The following ETFA variants were observed in gnomAD, a reference collection of about 807,000 sequenced individuals.
The protein encoded by ETFA is electron transfer flavoprotein subunit alpha, mitochondrial.
Under a neutral mutation model 46.2 loss-of-function variants are expected in ETFA, and 22 were observed. That is an observed-to-expected ratio of 0.48 (90% CI 0.34 to 0.68). The LOEUF (loss-of-function observed/expected upper bound fraction) is 0.68, where lower values mean the gene tolerates loss of function less well. Among genes scored for constraint, ETFA ranks in the 30% least tolerant of loss-of-function variants. ETFA has a pLI of 0.01. For synonymous variants in ETFA, 131 were observed against 139.9 expected (o/e 0.94, Z 0.45); for missense variants, 345 against 401.1 (o/e 0.86, Z 1.19).
At chr15:76,229,693 C>A (rs1260225215) in intron 10 of ETFA, among the ~76,000 whole-genome samples, 2 of 152,188 alleles carry the variant, frequency 1.3e-5, no homozygotes, top group African/African-American at 4.8e-5. Context: ...AACCTACCAT[C>A]CAACTGTAAA....
intron 9 of ETFA, among the ~76,000 whole-genome samples, chr15:76,241,885 G>A (rs1258978431): frequency 1.5e-5 from 2 of 136,090 alleles, no homozygotes; most frequent in East Asian, 4.3e-4. Flanking sequence ...TCGCCAGGCT[G>A]GAGTGCAATG....
intron 1 of ETFA, among the ~76,000 whole-genome samples, chr15:76,300,561 C>T (rs1465252766): frequency 1.3e-5 from 2 of 152,208 alleles, no homozygotes; most frequent in Non-Finnish European, 2.9e-5. Context: ...CAGAGTCTCC[C>T]AACCCAGCTT....
At chr15:76,282,193 C>T (rs1025804849) in intron 8 of ETFA, among the ~76,000 whole-genome samples, 1 of 152,130 alleles carries the variant, frequency 6.6e-6, no homozygotes, top group African/African-American at 2.4e-5. Context: ...TATGAGCCAC[C>T]ACGCCTGCCA....
chr15:76,305,714 C>G (rs1265947579), intron 1 of ETFA, among the ~76,000 whole-genome samples: 2 of 152,176 alleles, frequency 1.3e-5, no homozygotes, highest in Non-Finnish European at 2.9e-5. Flanking sequence ...ACTCTTATTA[C>G]CTCACCTTCC....
At chr15:76,248,232 C>T (rs368226443) in intron 9 of ETFA, among the ~76,000 whole-genome samples, 2 of 152,064 alleles carry the variant, frequency 1.3e-5, no homozygotes, top group Admixed American at 6.6e-5. Flanking sequence ...CAGAAATAGA[C>T]CCCTGCATAC....
In ETFA at chr15:76,294,499, A is replaced by G. The variant is rs530172085; in HGVS notation, c.186+1092T>C. On this transcript the variant is annotated intron_variant, in intron 2 of 11. Coordinates refer to ENST00000557943, the MANE Select transcript of ETFA (RefSeq NM_000126.4). ...AATTTCATGTAAAAAATTAGACAGA[A>G]GCAACACCAGCAGTATGAACCTCCA... Among the ~76,000 whole-genome samples the G allele has an allele frequency of 2.6e-5, 4 of 152,300 alleles. No individual in the cohort carries two copies. In the South Asian group the frequency reaches 8.3e-4, roughly 32 times the overall value.
chr15:76,231,401 GAAATA>G lies in ETFA; in HGVS notation c.817-8_817-4del, dbSNP rs769564675. The G allele has an allele frequency of 6.3e-6, 10 of 1,579,466 alleles. No homozygotes were observed. On this transcript the variant is annotated splice_region_variant and splice_polypyrimidine_tract_variant and intron_variant, in intron 9 of 11. Coordinates refer to ENST00000557943, the MANE Select transcript of ETFA (RefSeq NM_000126.4). ...ATTCCAACAGCAATATAAAGTTCCT[GAAATA>G]AAAGAGGTCACATTATTAATATGTA...
chr15:76,288,411 T>C (rs1018078254), intron 4 of ETFA, among the ~76,000 whole-genome samples: 1 of 151,998 alleles, frequency 6.6e-6, no homozygotes, highest in Non-Finnish European at 1.5e-5. Flanking sequence ...AAATTGATAT[T>C]GTATAAAAAA....
intron 9 of ETFA, among the ~76,000 whole-genome samples, chr15:76,258,276 G>C (rs1192040273): frequency 6.6e-6 from 1 of 152,070 alleles, no homozygotes; most frequent in Non-Finnish European, 1.5e-5. Flanking sequence ...CTCGCTCTTG[G>C]GCAAGCCTCA....
intron 10 of ETFA, among the ~76,000 whole-genome samples, chr15:76,227,255 G>A (rs1461565831): frequency 6.6e-6 from 1 of 151,752 alleles, no homozygotes; most frequent in African/African-American, 2.4e-5. Flanking sequence ...AAAAGCTTAT[G>A]CCTGTAATCC....
At chr15:76,303,778 T>C (rs1322797377) in intron 1 of ETFA, among the ~76,000 whole-genome samples, 1 of 152,210 alleles carries the variant, frequency 6.6e-6, no homozygotes, top group African/African-American at 2.4e-5. Flanking sequence ...ATGGCTATTA[T>C]TTAAAACTCA....
intron 10 of ETFA, chr15:76,230,888 T>TAAAAAA: frequency 5.8e-6 from 1 of 171,216 alleles, no homozygotes; most frequent in Non-Finnish European, 1.3e-5. Context: ...TTGTGAGGGT[T>TAAAAAA]ACAGGACCAA....
intron 1 of ETFA, among the ~76,000 whole-genome samples, chr15:76,302,222 A>G (rs1033091417): frequency 3.9e-5 from 6 of 152,220 alleles, no homozygotes; most frequent in Admixed American, 3.9e-4. Flanking sequence ...GGTCCACACA[A>G]AAACCAGACG....
At chr15:76,288,664 A>ATAG (rs2039724330) in intron 4 of ETFA, among the ~76,000 whole-genome samples, 2 of 151,358 alleles carry the variant, frequency 1.3e-5, no homozygotes, top group South Asian at 4.2e-4. Flanking sequence ...GTGAGCTGAG[A>ATAG]TAGTACCACC....
At chr15:76,294,156 C>T (rs1490214411) in intron 2 of ETFA, among the ~76,000 whole-genome samples, 1 of 152,116 alleles carries the variant, frequency 6.6e-6, no homozygotes. Flanking sequence ...GTACAGAAGA[C>T]GATTTCTATT....
At chr15:76,233,324 G>GTTT (rs2039088878) in intron 9 of ETFA, among the ~76,000 whole-genome samples, 1 of 91,802 alleles carries the variant, frequency 1.1e-5, no homozygotes, top group Admixed American at 1.3e-4. Context: ...AATTCAATAG[G>GTTT]CTTTTTTTTT....
rs549440032 is a variant in ETFA, at chr15:76,257,403, AG to A, written c.816+17008del. On this transcript the variant is annotated intron_variant, in intron 9 of 11. Transcript: ENST00000557943. ...AAAAGAAGACATTTATGCAGCCAAAAGACACATGAAAAAATGCTCATCATCA... is the reference window on the plus strand; with the variant it reads ...AAAAGAAGACATTTATGCAGCCAAAAACACATGAAAAAATGCTCATCATCA... Among the ~76,000 whole-genome samples, 49 of 152,356 alleles carry A rather than the reference AG, an allele frequency of 3.2e-4. No individual in the cohort carries two copies. The East Asian group carries it at 7.5e-3, about 23-fold the overall frequency.
chr15:76,258,667 C>T (rs769270962), intron 9 of ETFA, among the ~76,000 whole-genome samples: 3 of 152,176 alleles, frequency 2.0e-5, no homozygotes, highest in Admixed American at 6.5e-5. Context: ...GACCTGGACC[C>T]CCCACTGCCA....
intron 9 of ETFA, chr15:76,258,929 G>T: frequency 1.7e-6 from 2 of 1,211,446 alleles, no homozygotes; most frequent in Admixed American, 1.8e-5. Flanking sequence ...GGCTTTGTCA[G>T]CCAGCACAGT....
Sources: gnomAD v4.1 joint callset for allele counts (sites outside exome capture counted in the v4.1 genomes callset) on GRCh38, gnomAD v4.1.1 for gene constraint, MANE v1.5 for transcripts, NCBI Gene and HGNC (gene_info 2026-07-23, HGNC 2026-07-21) for gene names.